Variants in TANC1 observed in about 807,000 individuals in gnomAD.
The protein encoded by TANC1 is protein TANC1.
TANC1 carries 77 observed loss-of-function variants against 149.7 expected under a neutral mutation model. That is an observed-to-expected ratio of 0.51 (90% CI 0.43 to 0.62). TANC1 has a LOEUF of 0.62. Among genes scored for constraint, TANC1 ranks in the 20% least tolerant of loss-of-function variants. The probability of loss-of-function intolerance (pLI) is 0.00; values close to 1 mark genes in which losing one functional copy is unlikely to be tolerated. For synonymous variants in TANC1, 854 were observed against 925.0 expected (o/e 0.92, Z 1.39); for missense variants, 1,985 against 2,321.8 (o/e 0.85, Z 2.98).
intron 17 of TANC1, among the ~76,000 whole-genome samples, chr2:159,195,345 C>T (rs2057766607): frequency 2.0e-5 from 3 of 152,272 alleles, no homozygotes; most frequent in Admixed American, 6.5e-5. Context: ...GTCTTGAACT[C>T]CTGACCTCAC....
rs1001540636 is a variant in TANC1, at chr2:159,000,306, G to A, written c.-125-774G>A. ...GGTAAGTGGGTAGGCGAGGCACCAGGGCGGGAAGCTGGGGTGTTAGCACGT... is the reference window on the plus strand; with the variant it reads ...GGTAAGTGGGTAGGCGAGGCACCAGAGCGGGAAGCTGGGGTGTTAGCACGT... On this transcript the variant is annotated intron_variant, in intron 1 of 26. Coordinates refer to ENST00000263635, the MANE Select transcript of TANC1 (RefSeq NM_033394.3). Among the ~76,000 whole-genome samples, 10 of 152,220 alleles carry A rather than the reference G, an allele frequency of 6.6e-5. No homozygotes were observed. The South Asian group carries it at 1.9e-3, about 28-fold the overall frequency.
At chr2:159,051,020 C>CTG (rs1287765468) in intron 2 of TANC1, among the ~76,000 whole-genome samples, 3 of 152,136 alleles carry the variant, frequency 2.0e-5, no homozygotes. Flanking sequence ...ACATATTTTG[C>CTG]TGTACCAGGA....
chr2:158,982,251 GT>G (rs2034468233), intron 1 of TANC1, among the ~76,000 whole-genome samples: 1 of 152,096 alleles, frequency 6.6e-6, no homozygotes, highest in African/African-American at 2.4e-5. Flanking sequence ...GAATAATAAG[GT>G]GACTTGGACA....
At chr2:159,008,168 G>C (rs557237409) in intron 2 of TANC1, among the ~76,000 whole-genome samples, 2 of 152,154 alleles carry the variant, frequency 1.3e-5, no homozygotes, top group Admixed American at 1.3e-4. Context: ...TGGAATTTCA[G>C]CTTATGCTGT....
At chr2:158,973,132 G>A (rs1000370950) in intron 1 of TANC1, among the ~76,000 whole-genome samples, 8 of 152,226 alleles carry the variant, frequency 5.3e-5, no homozygotes, top group African/African-American at 1.4e-4. Context: ...AAGTGTTGCA[G>A]AGGGATGACA....
chr2:159,162,785 T>C (rs899089005), intron 7 of TANC1, among the ~76,000 whole-genome samples: 2 of 152,186 alleles, frequency 1.3e-5, no homozygotes, highest in African/African-American at 4.8e-5. Flanking sequence ...AAATTCTCTG[T>C]TTGACTTTAT....
chr2:159,075,815 A>C (rs1474653115), intron 3 of TANC1, among the ~76,000 whole-genome samples: 2 of 151,930 alleles, frequency 1.3e-5, no homozygotes, highest in Non-Finnish European at 2.9e-5. Context: ...TTTATTTTAG[A>C]ATATGTTTTC....
chr2:158,981,490 T>TA, intron 1 of TANC1, among the ~76,000 whole-genome samples: 1 of 40,896 alleles, frequency 2.4e-5, no homozygotes, highest in Non-Finnish European at 4.2e-5. Context: ...ATATATAGCT[T>TA]TTATATATAT....
chr2:159,201,108 C>T (rs1443073769), intron 19 of TANC1, among the ~76,000 whole-genome samples: 2 of 152,164 alleles, frequency 1.3e-5, no homozygotes, highest in African/African-American at 4.8e-5. Flanking sequence ...CAAAATCCAC[C>T]TTGCCTTCTC....
intron 3 of TANC1, among the ~76,000 whole-genome samples, chr2:159,091,961 T>TAG (rs2045589087): frequency 1.5e-5 from 2 of 135,842 alleles, no homozygotes; most frequent in Admixed American, 7.2e-5. Flanking sequence ...TCTGTAAATA[T>TAG]AGGGGGGGGT....
In TANC1 at chr2:158,994,006, C is replaced by T. The variant is rs548952181; in HGVS notation, c.-125-7074C>T. Among the ~76,000 whole-genome samples the T allele has an allele frequency of 6.6e-5, 10 of 152,284 alleles. 1 individual carries two copies. In the South Asian group the frequency reaches 2.1e-3, roughly 32 times the overall value. On this transcript the variant is annotated intron_variant, in intron 1 of 26. Transcript: ENST00000263635. Reference sequence around the variant, plus strand: ...TCATTTTAATATGAAAAACCTTTCTCATTGTTTGGACCATGCACTAGTGCC... The same window carrying T: ...TCATTTTAATATGAAAAACCTTTCTTATTGTTTGGACCATGCACTAGTGCC...
intron 7 of TANC1, among the ~76,000 whole-genome samples, chr2:159,158,292 C>T (rs569137790): frequency 2.4e-4 from 37 of 151,896 alleles, no homozygotes; most frequent in Non-Finnish European, 4.6e-4. Flanking sequence ...CCCGTGAGGT[C>T]GAGGCTGCAG....
chr2:159,018,072 A>G lies in TANC1; in HGVS notation c.-16+16883A>G, dbSNP rs113939904. ...GTGTTGTGCAGCATCCCGCAGTTCAAAGGCAGCCAGTTACATAGTGCTTGG... is the reference window on the plus strand; with the variant it reads ...GTGTTGTGCAGCATCCCGCAGTTCAGAGGCAGCCAGTTACATAGTGCTTGG... On this transcript the variant is annotated intron_variant, in intron 2 of 26. Transcript: ENST00000263635. 1.6e-4 allele frequency among the ~76,000 whole-genome samples: 25 copies of G among 152,332 alleles called. 1 individual carries two copies. The highest frequency in any genetic ancestry group is 6.0e-4 in the African/African-American group (25 of 41,564).
chr2:159,183,342 G>A (rs921329364), intron 14 of TANC1, among the ~76,000 whole-genome samples: 4 of 152,212 alleles, frequency 2.6e-5, no homozygotes, highest in African/African-American at 7.2e-5. Context: ...AGGTTCCAGC[G>A]CCAGGGCGGG....
chr2:159,004,146 A>C, intron 2 of TANC1: 1 of 1,612,368 alleles, frequency 6.2e-7, no homozygotes, highest in South Asian at 1.1e-5. Flanking sequence ...GCTTCCTGGA[A>C]TATTAAGTCA....
intron 14 of TANC1, among the ~76,000 whole-genome samples, chr2:159,185,016 T>C (rs1402507087): frequency 6.6e-6 from 1 of 152,240 alleles, no homozygotes; most frequent in Admixed American, 6.5e-5. Flanking sequence ...GGATGCGTTT[T>C]AAAACATATA....
chr2:159,149,777 C>T, intron 6 of TANC1: 1 of 184,362 alleles, frequency 5.4e-6, no homozygotes, highest in Non-Finnish European at 1.1e-5. Flanking sequence ...ATGCACCCTG[C>T]CACCTCCCAG....
At chr2:159,138,066 T>C (rs1022754443) in intron 5 of TANC1, among the ~76,000 whole-genome samples, 8 of 152,228 alleles carry the variant, frequency 5.3e-5, no homozygotes, top group Non-Finnish European at 1.2e-4. Flanking sequence ...TGGGCTGAGC[T>C]AAATTTCAAA....
At chr2:159,096,384 T>G (rs1211908795) in intron 3 of TANC1, among the ~76,000 whole-genome samples, 7 of 152,032 alleles carry the variant, frequency 4.6e-5, no homozygotes, top group Non-Finnish European at 8.8e-5. Context: ...CCTTTCTGCT[T>G]CTTAAGGTTC....
Sources: allele counts gnomAD v4.1 joint callset (sites outside exome capture counted in the v4.1 genomes callset), GRCh38; gene constraint gnomAD v4.1.1; transcripts MANE v1.5; gene names NCBI Gene and HGNC (gene_info 2026-07-23, HGNC 2026-07-21).